The following GPC6 variants were observed in gnomAD, a reference collection of about 807,000 sequenced individuals.
GPC6 encodes glypican 6, also known as glypican-6.
GPC6 carries 14 observed loss-of-function variants against 55.2 expected under a neutral mutation model. The observed-to-expected ratio is 0.25, with a 90% CI of 0.17 to 0.40. The LOEUF is 0.40. GPC6 is among the 10% of genes least tolerant of loss of function. The pLI is 1.00. For missense variants in GPC6, 641 were observed against 708.5 expected, an observed-to-expected ratio of 0.90 and a Z score of 1.08; for synonymous variants, 278 against 259.6, an observed-to-expected ratio of 1.07 and a Z score of -0.68.
rs149781179 is a variant in GPC6 at position 94,310,334 on chromosome 13, G to A, written c.1152+4211G>A. The stretch of plus-strand genomic sequence containing the variant: ...CTCAACAAGTTGGTGATGACTTAGA[G>A]CCATAAATCTCCAGTAAGTATTCAA... On this transcript the variant is annotated intron_variant, in intron 6 of 8. Transcript: ENST00000377047. 5.5e-3 allele frequency among the ~76,000 whole-genome samples: 833 copies of A among 152,224 alleles called. 3 individuals are homozygous for A. The highest frequency in any genetic ancestry group is 8.6e-3 in the Non-Finnish European group (584 of 68,018).
intron 1 of GPC6, among the ~76,000 whole-genome samples, chr13:93,265,785 ATTTCTTTTT>A (rs1300334298): frequency 6.3e-4 from 95 of 149,726 alleles, no homozygotes; most frequent in South Asian, 1.5e-3. Flanking sequence ...TTTTTCTTTT[ATTTCTTTTT>A]TTTCTTTTTT....
chr13:94,323,019 TG>T (rs201823598), intron 6 of GPC6, among the ~76,000 whole-genome samples: 1,866 of 152,140 alleles, frequency 0.012, 18 homozygotes, highest in Admixed American at 0.018. Context: ...AGGGAGCAAG[TG>T]AAGGTAGAGA....
At chr13:93,497,001 T>C (rs1719477374) in intron 1 of GPC6, among the ~76,000 whole-genome samples, 2 of 152,208 alleles carry the variant, frequency 1.3e-5, no homozygotes, top group African/African-American at 2.4e-5. Context: ...TTGCATTTCT[T>C]GTCAACCTGC....
intron 2 of GPC6, among the ~76,000 whole-genome samples, chr13:93,596,735 CAT>C (rs1308781370): frequency 9.6e-5 from 14 of 145,174 alleles, no homozygotes; most frequent in South Asian, 2.2e-4. Context: ...AGTGTATATG[CAT>C]ATATATATGT....
chr13:94,395,156 C>T (rs764715877), intron 7 of GPC6, among the ~76,000 whole-genome samples: 11 of 152,278 alleles, frequency 7.2e-5, no homozygotes, highest in Non-Finnish European at 1.3e-4. Flanking sequence ...GTAGAGCTCA[C>T]GGAGCCTGGC....
intron 1 of GPC6, among the ~76,000 whole-genome samples, chr13:93,458,712 A>G (rs955102600): frequency 2.0e-5 from 3 of 152,170 alleles, no homozygotes; most frequent in African/African-American, 7.2e-5. Flanking sequence ...TTTCTTTCCT[A>G]GACTCCATGG....
chr13:93,766,675 T>C (rs560089488), intron 2 of GPC6, among the ~76,000 whole-genome samples: 1 of 152,250 alleles, frequency 6.6e-6, no homozygotes, highest in South Asian at 2.1e-4. Flanking sequence ...CTGTAAGTAT[T>C]TTTATCATTA....
At chr13:94,205,081 A>G (rs1188163624) in intron 4 of GPC6, among the ~76,000 whole-genome samples, 2 of 152,240 alleles carry the variant, frequency 1.3e-5, no homozygotes, top group Non-Finnish European at 2.9e-5. Flanking sequence ...GTAATGTGAT[A>G]TAAAAACATT....
intron 4 of GPC6, among the ~76,000 whole-genome samples, chr13:94,218,730 A>C (rs929783865): frequency 1.3e-5 from 2 of 152,084 alleles, no homozygotes; most frequent in African/African-American, 2.4e-5. Flanking sequence ...TTCCTGAGAG[A>C]CCTTTGATTC....
chr13:94,257,104 C>T (rs1329404682), intron 4 of GPC6, among the ~76,000 whole-genome samples: 2 of 152,186 alleles, frequency 1.3e-5, no homozygotes, highest in Non-Finnish European at 2.9e-5. Context: ...GAGACCCTAA[C>T]TGATTTGTTC....
At chr13:93,546,873 G>A (rs566807422) in intron 2 of GPC6, among the ~76,000 whole-genome samples, 2 of 152,246 alleles carry the variant, frequency 1.3e-5, no homozygotes, top group South Asian at 4.1e-4. Context: ...AAAGAAACAA[G>A]AAAGAAGCTC....
In GPC6 at chr13:93,280,185, A is replaced by T. The variant is rs141981458; in HGVS notation, c.160+52569A>T. ...GTTCACATGTGGGGGGGGCCAGACC[A>T]AAGCTTACTTTCTAGGTACTGTAAA... On this transcript the variant is annotated intron_variant, in intron 1 of 8. Transcript: ENST00000377047. Among the ~76,000 whole-genome samples the T allele has an allele frequency of 9.8e-5, 15 of 152,294 alleles. No individual in the cohort carries two copies. In the East Asian group the frequency reaches 1.9e-3, roughly 20 times the overall value.
At chr13:94,370,816 A>C (rs1341384961) in intron 6 of GPC6, among the ~76,000 whole-genome samples, 1 of 152,218 alleles carries the variant, frequency 6.6e-6, no homozygotes, top group African/African-American at 2.4e-5. Flanking sequence ...CTGAATTAAC[A>C]CATTCAGTAC....
intron 2 of GPC6, among the ~76,000 whole-genome samples, chr13:93,675,477 T>C (rs1881551790): frequency 6.6e-6 from 1 of 152,158 alleles, no homozygotes; most frequent in African/African-American, 2.4e-5. Flanking sequence ...GCTGTGATCC[T>C]TTTTCTACAT....
intron 2 of GPC6, among the ~76,000 whole-genome samples, chr13:93,631,172 T>G (rs184419731): frequency 5.2e-4 from 79 of 151,940 alleles, no homozygotes; most frequent in Non-Finnish European, 8.8e-5. Context: ...AGGAAAAAAG[T>G]GAAACAGGGA....
intron 7 of GPC6, among the ~76,000 whole-genome samples, chr13:94,386,141 T>C (rs531027440): frequency 9.3e-5 from 14 of 151,084 alleles, no homozygotes; most frequent in Non-Finnish European, 1.5e-4. Flanking sequence ...GGGCGGATGA[T>C]GAGGTCAGCA....
intron 1 of GPC6, among the ~76,000 whole-genome samples, chr13:93,499,106 C>CGCACAA (rs1566390138): frequency 6.6e-6 from 1 of 151,696 alleles, no homozygotes; most frequent in Non-Finnish European, 1.5e-5. Context: ...CACACACACA[C>CGCACAA]ACACACACAC....
chr13:93,718,371 T>A (rs1268833833), intron 2 of GPC6, among the ~76,000 whole-genome samples: 1 of 151,428 alleles, frequency 6.6e-6, no homozygotes, highest in Non-Finnish European at 1.5e-5. Context: ...GTGATGAGCT[T>A]TTTTTCATGT....
chr13:93,825,383 G>A (rs76250468), intron 2 of GPC6, among the ~76,000 whole-genome samples: 1,911 of 152,256 alleles, frequency 0.013, 39 homozygotes, highest in African/African-American at 0.043. Flanking sequence ...GATAGACTAG[G>A]GTCATCTACT....
Sources: gnomAD v4.1 joint callset for allele counts (sites outside exome capture counted in the v4.1 genomes callset) on GRCh38, gnomAD v4.1.1 for gene constraint, MANE v1.5 for transcripts, NCBI Gene and HGNC (gene_info 2026-07-23, HGNC 2026-07-21) for gene names.